The following NDUFAF2 variants were observed in gnomAD, a reference collection of about 807,000 sequenced individuals.
NDUFAF2 encodes NADH dehydrogenase [ubiquinone] 1 alpha subcomplex assembly factor 2.
A neutral mutation model predicts 22.8 loss-of-function variants in NDUFAF2; 13 were observed. The observed-to-expected ratio is 0.57, with a 90% CI of 0.37 to 0.91. The LOEUF (loss-of-function observed/expected upper bound fraction) is 0.91, where lower values mean the gene tolerates loss of function less well. NDUFAF2 is among the 40% of genes least tolerant of loss of function. The probability of loss-of-function intolerance (pLI) is 0.01; values close to 1 mark genes in which losing one functional copy is unlikely to be tolerated. For synonymous variants in NDUFAF2, 53 were observed against 64.2 expected (o/e 0.83, Z 0.84); for missense variants, 162 against 195.2 (o/e 0.83, Z 1.01).
intron 1 of NDUFAF2, among the ~76,000 whole-genome samples, chr5:60,990,208 C>G (rs1485465370): frequency 6.6e-6 from 1 of 151,968 alleles, no homozygotes; most frequent in Non-Finnish European, 1.5e-5. Context: ...TACAGAATGA[C>G]TAGGACCTAG....
At chr5:60,971,708 C>T (rs1383545345) in intron 1 of NDUFAF2, among the ~76,000 whole-genome samples, 8 of 149,940 alleles carry the variant, frequency 5.3e-5, no homozygotes, top group South Asian at 2.1e-4. Context: ...TGAGAACATG[C>T]GGTGTTTGGT....
intron 2 of NDUFAF2, among the ~76,000 whole-genome samples, chr5:61,080,803 GCTTGT>G (rs1752431802): frequency 6.6e-6 from 1 of 151,816 alleles, no homozygotes; most frequent in Non-Finnish European, 1.5e-5. Flanking sequence ...CTTTTCATTG[GCTTGT>G]CTTTTCATTC....
rs375679085 is a variant in NDUFAF2 at position 60,975,232 on chromosome 5, C to T, written c.127+29850C>T. Among the ~76,000 whole-genome samples, 247 of 151,906 alleles carry T rather than the reference C, an allele frequency of 1.6e-3. 1 individual carries two copies. The highest frequency in any genetic ancestry group is 5.5e-3 in the African/African-American group (230 of 41,464). On this transcript the variant is annotated intron_variant, in intron 1 of 3. Coordinates refer to ENST00000296597, the MANE Select transcript of NDUFAF2 (RefSeq NM_174889.5). ...TTATTTTTTTAAGGATATTGTGTTA[C>T]GACACTCCAATTTATTTGGCCGTCA...
intron 2 of NDUFAF2, among the ~76,000 whole-genome samples, chr5:61,095,300 G>A (rs547561622): frequency 1.8e-4 from 28 of 152,204 alleles, no homozygotes; most frequent in Non-Finnish European, 2.9e-4. Flanking sequence ...GTTTCTGGTC[G>A]GTTTGGACTC....
chr5:61,006,848 C>G (rs1751373222), intron 1 of NDUFAF2, among the ~76,000 whole-genome samples: 1 of 152,012 alleles, frequency 6.6e-6, no homozygotes, highest in Admixed American at 6.6e-5. Context: ...AATTAATGAT[C>G]ATTTTGGTCA....
intron 1 of NDUFAF2, among the ~76,000 whole-genome samples, chr5:61,048,404 G>T (rs1751982132): frequency 6.6e-6 from 1 of 152,070 alleles, no homozygotes; most frequent in Non-Finnish European, 1.5e-5. Flanking sequence ...TTTAAAATGA[G>T]GCCACTCTTT....
At chr5:61,017,512 T>C (rs1391958299) in intron 1 of NDUFAF2, among the ~76,000 whole-genome samples, 1 of 127,736 alleles carries the variant, frequency 7.8e-6, no homozygotes, top group Non-Finnish European at 1.7e-5. Context: ...AGCAAAAGTG[T>C]GGGTTTTCAG....
chr5:61,024,622 T>G (rs537837225), intron 1 of NDUFAF2, among the ~76,000 whole-genome samples: 1 of 152,186 alleles, frequency 6.6e-6, no homozygotes, highest in South Asian at 2.1e-4. Context: ...AATCACATAG[T>G]TAGCACATGG....
chr5:61,110,949 T>TA (rs1346251091), intron 3 of NDUFAF2, among the ~76,000 whole-genome samples: 1 of 152,100 alleles, frequency 6.6e-6, no homozygotes, highest in Non-Finnish European at 1.5e-5. Flanking sequence ...TGTAGGCTCT[T>TA]ATAGCTATAA....
At chr5:61,065,822 G>A (rs181976612) in intron 1 of NDUFAF2, among the ~76,000 whole-genome samples, 23 of 152,086 alleles carry the variant, frequency 1.5e-4, no homozygotes, top group African/African-American at 4.8e-4. Flanking sequence ...TCTGTTCAGC[G>A]TAGTACTAGA....
intron 3 of NDUFAF2, among the ~76,000 whole-genome samples, chr5:61,141,240 AT>A (rs1741052749): frequency 1.3e-5 from 2 of 148,194 alleles, no homozygotes; most frequent in African/African-American, 2.5e-5. Context: ...AAAAAAAAAA[AT>A]TAATTAATAA....
intron 1 of NDUFAF2, among the ~76,000 whole-genome samples, chr5:61,001,893 T>C (rs1239041604): frequency 6.6e-6 from 1 of 152,090 alleles, no homozygotes; most frequent in Non-Finnish European, 1.5e-5. Flanking sequence ...TGATAAATCC[T>C]TCTTATTTGA....
chr5:60,988,751 C>G (rs1751117223), intron 1 of NDUFAF2, among the ~76,000 whole-genome samples: 1 of 152,240 alleles, frequency 6.6e-6, no homozygotes, highest in Non-Finnish European at 1.5e-5. Flanking sequence ...AACTGGACCC[C>G]TTTCTTACAT....
chr5:60,948,885 T>C (rs776154243), intron 1 of NDUFAF2, among the ~76,000 whole-genome samples: 51 of 152,282 alleles, frequency 3.3e-4, no homozygotes, highest in Middle Eastern at 6.8e-3. Context: ...TAAGTGGTGG[T>C]ACCGTTTTAC....
chr5:60,945,501 G>A (rs533042595), intron 1 of NDUFAF2, 119 bp downstream of exon 1: 23 of 1,443,378 alleles, frequency 1.6e-5, no homozygotes, highest in Middle Eastern at 3.5e-4. Flanking sequence ...TGTCACCGGA[G>A]AGAATTTCCC....
chr5:61,033,182 A>G (rs911603338), intron 1 of NDUFAF2, among the ~76,000 whole-genome samples: 1 of 152,134 alleles, frequency 6.6e-6, no homozygotes, highest in Non-Finnish European at 1.5e-5. Flanking sequence ...ATGGGAGTTC[A>G]CTCATGATTT....
At chr5:61,006,213 T>G (rs937272283) in intron 1 of NDUFAF2, among the ~76,000 whole-genome samples, 68 of 152,210 alleles carry the variant, frequency 4.5e-4, no homozygotes, top group African/African-American at 1.5e-3. Context: ...TTTCCCCATT[T>G]CTTGTTTTTA....
chr5:61,012,741 AT>A (rs1411906975), intron 1 of NDUFAF2, among the ~76,000 whole-genome samples: 1 of 152,036 alleles, frequency 6.6e-6, no homozygotes, highest in Admixed American at 6.6e-5. Flanking sequence ...CAATTTTATT[AT>A]TTTTGTTTAA....
At chr5:60,980,089 C>T (rs758252649) in intron 1 of NDUFAF2, among the ~76,000 whole-genome samples, 2 of 152,168 alleles carry the variant, frequency 1.3e-5, no homozygotes, top group African/African-American at 4.8e-5. Context: ...CATTACTGGG[C>T]TTGGGGTACT....
Sources: allele counts gnomAD v4.1 joint callset (sites outside exome capture counted in the v4.1 genomes callset), GRCh38; gene constraint gnomAD v4.1.1; transcripts MANE v1.5; gene names NCBI Gene and HGNC (gene_info 2026-07-23, HGNC 2026-07-21).